SPEF2: variants seen among roughly 807,000 people sequenced by gnomAD.
SPEF2 encodes the protein sperm flagella and cilia-associated protein 2.
A neutral mutation model predicts 224.6 loss-of-function variants in SPEF2; 187 were observed. The ratio of observed to expected loss-of-function variants is 0.83; its 90% CI spans 0.74 to 0.94. The LOEUF (loss-of-function observed/expected upper bound fraction) is 0.94, where lower values mean the gene tolerates loss of function less well. Ranked by LOEUF, SPEF2 falls within the 40% of genes least tolerant of loss-of-function variation. SPEF2 has a pLI of 0.00. For missense variants in SPEF2, 2,170 were observed against 2,135.6 expected, an observed-to-expected ratio of 1.02 and a Z score of -0.32; for synonymous variants, 715 against 707.3, an observed-to-expected ratio of 1.01 and a Z score of -0.17.
At chr5:35,720,386 T>C (rs7703587) in intron 20 of SPEF2, among the ~76,000 whole-genome samples, 5,974 of 152,326 alleles carry the variant, frequency 0.039, 196 homozygotes, top group African/African-American at 0.075. Context: ...CTTCACTTGA[T>C]ATTTATGAAC....
chr5:35,670,499 A>T, intron 10 of SPEF2: 3 of 1,068,366 alleles, frequency 2.8e-6, no homozygotes, highest in Non-Finnish European at 3.4e-6. Flanking sequence ...CAGAATTTTT[A>T]AAATGCTTTA....
chr5:35,664,506 C>T (rs1317241069), intron 8 of SPEF2, among the ~76,000 whole-genome samples: 3 of 152,012 alleles, frequency 2.0e-5, no homozygotes, highest in Non-Finnish European at 4.4e-5. Context: ...ATGGTGAAAC[C>T]CTGTCTCTAC....
rs1315268450 is a variant in SPEF2, at chr5:35,688,879, TG to T, written c.1525-2157del. Among the ~76,000 whole-genome samples the T allele has an allele frequency of 2.0e-5, 3 of 152,356 alleles. No homozygotes were observed. The East Asian group carries it at 5.8e-4, about 29-fold the overall frequency. ...AATGTCAATTAGTATCTTCATTGTC[TG>T]TTAATATTATGTTGATTTTAGTATT... On this transcript the variant is annotated intron_variant, in intron 10 of 36. Coordinates refer to ENST00000356031, the MANE Select transcript of SPEF2 (RefSeq NM_024867.4).
chr5:35,673,596 G>A (rs1390370251), intron 10 of SPEF2, among the ~76,000 whole-genome samples: 1 of 152,124 alleles, frequency 6.6e-6, no homozygotes, highest in African/African-American at 2.4e-5. Context: ...TCTATAATTT[G>A]GGGGAAGGAT....
intron 10 of SPEF2, among the ~76,000 whole-genome samples, chr5:35,673,622 C>T (rs765464242): frequency 1.3e-5 from 2 of 152,190 alleles, no homozygotes; most frequent in Non-Finnish European, 2.9e-5. Flanking sequence ...ATTTCCAGCA[C>T]ATCATCCATG....
chr5:35,739,928 T>G lies in SPEF2; in HGVS notation c.3073T>G (p.Leu1025Val). The change falls in exon 22 of 37, where the codon TTG (leucine) becomes GTG (valine). Residue 1025 changes from leucine to valine, a missense_variant. Coordinates refer to ENST00000356031, the MANE Select transcript of SPEF2 (RefSeq NM_024867.4). Reference sequence around the variant, plus strand: ...CTTTACCATTTAACAGGAAATGCCTTTGTTTTTAGTACCTTACTGGGAACT... The same window carrying G: ...CTTTACCATTTAACAGGAAATGCCTGTGTTTTTAGTACCTTACTGGGAACT... ...VNEPVPEEMP[L>V]FLVPYWELIE... 1 of 1,613,354 alleles carries G rather than the reference T, an allele frequency of 6.2e-7. No homozygotes were observed. Among genetic ancestry groups the G allele is most frequent in the Non-Finnish European group, 8.5e-7 (1 of 1,179,860 alleles).
Position 35,641,856 on chromosome 5 carries a change from T to G in SPEF2, c.414+173T>G, listed in dbSNP as rs1379302815. ...TTAATAATTTGAATTTATTTAGCCA[T>G]TTTTGATGTCTCTCTCTATCCTATC... is the stretch of plus-strand genomic sequence containing the variant. On this transcript the variant is annotated intron_variant, in intron 3 of 36. Coordinates refer to ENST00000356031, the MANE Select transcript of SPEF2 (RefSeq NM_024867.4). 5 of 621,052 alleles carry G rather than the reference T, an allele frequency of 8.1e-6. No individual in the cohort carries two copies. In the East Asian group the frequency reaches 1.5e-4, roughly 19 times the overall value. The allele number at this position is 621,052 out of a possible 1,614,324, so 38.5% of individuals were successfully genotyped here.
At chr5:35,765,143 CA>C (rs1226799290) in intron 26 of SPEF2, among the ~76,000 whole-genome samples, 1 of 152,058 alleles carries the variant, frequency 6.6e-6, no homozygotes, top group Non-Finnish European at 1.5e-5. Flanking sequence ...TTTTATTACC[CA>C]AGTCTATAGC....
At chr5:35,804,426 T>A (rs1757812643) in intron 34 of SPEF2, among the ~76,000 whole-genome samples, 1 of 152,234 alleles carries the variant, frequency 6.6e-6, no homozygotes, top group Admixed American at 6.5e-5. Flanking sequence ...TTGGCCTCAC[T>A]GGTTTTGTTC....
intron 23 of SPEF2, among the ~76,000 whole-genome samples, chr5:35,742,271 T>G (rs113997057): frequency 0.02 from 2,981 of 152,238 alleles, 68 homozygotes; most frequent in South Asian, 0.054. Context: ...TACAGAGAAT[T>G]TTACAGTAAA....
At chr5:35,739,680 G>A (rs1036691494) in intron 21 of SPEF2, among the ~76,000 whole-genome samples, 6 of 152,002 alleles carry the variant, frequency 3.9e-5, no homozygotes, top group African/African-American at 1.2e-4. Context: ...CACCACGACC[G>A]CCCGCCCCCA....
At chr5:35,709,384 A>C (rs772933751) in intron 19 of SPEF2, 6 of 1,225,230 alleles carry the variant, frequency 4.9e-6, no homozygotes, top group Non-Finnish European at 6.1e-6. Context: ...ACAGACGAGA[A>C]GAGGAAAAGG....
rs1475855852 is a variant in SPEF2 at position 35,808,851 on chromosome 5, T to G, written c.5379+1598T>G. ...GTATGTAACATATACATATATTTTT[T>G]AAATATATATGTAAAAAAATTGGGT... is the stretch of plus-strand genomic sequence containing the variant. On this transcript the variant is annotated intron_variant, in intron 36 of 36. Transcript: ENST00000356031. Among the ~76,000 whole-genome samples, 3 of 148,230 alleles carry G rather than the reference T, an allele frequency of 2.0e-5. No homozygotes were observed. In the East Asian group the frequency reaches 5.8e-4, roughly 29 times the overall value.
In SPEF2 at chr5:35,721,663, T is replaced by G. The variant is rs994494450; in HGVS notation, c.2915-6012T>G. On this transcript the variant is annotated intron_variant, in intron 20 of 36. Transcript: ENST00000356031. ...AGCTTTTAACTTGCCTTAAAAAAAGTATTTGATCCAAGTGCTTGTCTTTCT... is the reference window on the plus strand; with the variant it reads ...AGCTTTTAACTTGCCTTAAAAAAAGGATTTGATCCAAGTGCTTGTCTTTCT... Among the ~76,000 whole-genome samples, 4 of 152,176 alleles carry G rather than the reference T, an allele frequency of 2.6e-5. No individual in the cohort carries two copies. The East Asian group carries it at 7.7e-4, about 29-fold the overall frequency.
chr5:35,629,299 G>A (rs926737284), intron 2 of SPEF2, among the ~76,000 whole-genome samples: 4 of 151,148 alleles, frequency 2.6e-5, no homozygotes, highest in South Asian at 2.1e-4. Flanking sequence ...GACTACAGGC[G>A]CCTGCCACCA....
Position 35,751,040 on chromosome 5 carries a change from T to C in SPEF2, c.3331-2584T>C, listed in dbSNP as rs1420391691. The stretch of plus-strand genomic sequence containing the variant: ...ATATATATACGTATATATATACACA[T>C]ATGTATATATATATACGTATATATA... On this transcript the variant is annotated intron_variant, in intron 23 of 36. Transcript: ENST00000356031. 2.5e-4 allele frequency among the ~76,000 whole-genome samples: 8 copies of C among 31,408 alleles called. 1 individual carries two copies. Among genetic ancestry groups the C allele is most frequent in the African/African-American group, 5.4e-4 (6 of 11,206 alleles). 20.6% of individuals were successfully genotyped at this position (31,408 alleles called of 152,430 possible). A position where few individuals can be genotyped will look rare whatever the true frequency, so the allele number is the denominator to read the frequency against.
At chr5:35,760,327 C>A (rs1751068796) in intron 25 of SPEF2, among the ~76,000 whole-genome samples, 1 of 150,152 alleles carries the variant, frequency 6.7e-6, no homozygotes, top group Non-Finnish European at 1.5e-5. Context: ...CTCACCACCG[C>A]ACTCCAGCCT....
intron 1 of SPEF2, among the ~76,000 whole-genome samples, chr5:35,628,169 T>C (rs1744535043): frequency 6.6e-6 from 1 of 152,130 alleles, no homozygotes; most frequent in Non-Finnish European, 1.5e-5. Context: ...ATGTTATTTA[T>C]AAATTTTTTG....
intron 7 of SPEF2, among the ~76,000 whole-genome samples, chr5:35,657,589 C>G (rs1749136311): frequency 6.6e-6 from 1 of 151,974 alleles, no homozygotes; most frequent in African/African-American, 2.4e-5. Flanking sequence ...TAGGATGGCC[C>G]TAATGTCTTA....
Sources: gnomAD v4.1 joint callset for allele counts (sites outside exome capture counted in the v4.1 genomes callset) on GRCh38, gnomAD v4.1.1 for gene constraint, MANE v1.5 for transcripts, NCBI Gene and HGNC (gene_info 2026-07-23, HGNC 2026-07-21) for gene names.